Variants in SLC1A2 observed in about 807,000 individuals in gnomAD.
SLC1A2 encodes the protein excitatory amino acid transporter 2.
In SLC1A2, 15 loss-of-function variants were observed where a neutral mutation model predicts 48.8. The ratio of observed to expected loss-of-function variants is 0.31; its 90% CI spans 0.21 to 0.47. SLC1A2 has a LOEUF of 0.47. SLC1A2 is among the 20% of genes least tolerant of loss of function. The pLI is 0.99. For missense variants in SLC1A2, 502 were observed against 730.5 expected, an observed-to-expected ratio of 0.69 and a Z score of 3.61; for synonymous variants, 279 against 272.6, an observed-to-expected ratio of 1.02 and a Z score of -0.23.
At chr11:35,317,078 G>C (rs1393948332) in intron 2 of SLC1A2, 1 of 324,928 alleles carries the variant, frequency 3.1e-6, no homozygotes, top group African/African-American at 2.0e-5. Flanking sequence ...TAGATTGCAG[G>C]ACCTCATTTC....
chr11:35,398,882 T>C (rs909176933), intron 1 of SLC1A2, among the ~76,000 whole-genome samples: 3 of 152,188 alleles, frequency 2.0e-5, no homozygotes, highest in Non-Finnish European at 2.9e-5. Flanking sequence ...AGAGGGGCAA[T>C]GTGAGGAGGC....
chr11:35,406,062 C>A (rs147170979), intron 1 of SLC1A2, among the ~76,000 whole-genome samples: 1 of 152,182 alleles, frequency 6.6e-6, no homozygotes, highest in Non-Finnish European at 1.5e-5. Context: ...CAGAGAGATA[C>A]CAGGATAGTG....
intron 6 of SLC1A2, among the ~76,000 whole-genome samples, chr11:35,296,805 C>T (rs778148476): frequency 5.9e-5 from 9 of 152,180 alleles, no homozygotes; most frequent in Non-Finnish European, 1.3e-4. Flanking sequence ...TGGGCCATCA[C>T]TTCTACCCCC....
intron 4 of SLC1A2, among the ~76,000 whole-genome samples, chr11:35,309,071 C>A (rs1281937226): frequency 1.3e-5 from 2 of 152,174 alleles, no homozygotes; most frequent in Admixed American, 6.5e-5. Flanking sequence ...TGAGAAGCTC[C>A]TTTCCCCAGC....
At chr11:35,390,451 T>A (rs1196726454) in intron 1 of SLC1A2, among the ~76,000 whole-genome samples, 1 of 152,300 alleles carries the variant, frequency 6.6e-6, no homozygotes, top group Admixed American at 6.5e-5. Context: ...GGTTTTGGCC[T>A]GCAGTTTGAG....
At chr11:35,323,926 C>T (rs141762694) in intron 1 of SLC1A2, among the ~76,000 whole-genome samples, 2 of 152,302 alleles carry the variant, frequency 1.3e-5, no homozygotes, top group East Asian at 3.9e-4. Flanking sequence ...AGATTTCTAA[C>T]ATGGGCAGGT....
intron 1 of SLC1A2, chr11:35,404,415 AC>A (rs1219797819): frequency 6.6e-6 from 1 of 152,338 alleles, no homozygotes; most frequent in Non-Finnish European, 1.5e-5. Context: ...AGGACCCAGG[AC>A]CCGCTGGTGA....
At chr11:35,367,151 G>A (rs909967974) in intron 1 of SLC1A2, among the ~76,000 whole-genome samples, 9 of 152,196 alleles carry the variant, frequency 5.9e-5, no homozygotes, top group Non-Finnish European at 1.3e-4. Flanking sequence ...CCTTCTCTTT[G>A]TGGAGTTTCT....
intron 7 of SLC1A2, among the ~76,000 whole-genome samples, chr11:35,288,832 A>G (rs1371138354): frequency 6.7e-6 from 1 of 149,226 alleles, no homozygotes; most frequent in Non-Finnish European, 1.5e-5. Context: ...AATGTCATCA[A>G]ATGGTCTTTG....
At chr11:35,405,321 T>C (rs762250431) in intron 1 of SLC1A2, among the ~76,000 whole-genome samples, 1 of 152,178 alleles carries the variant, frequency 6.6e-6, no homozygotes, top group East Asian at 1.9e-4. Context: ...TGATTAAACA[T>C]ACTAAGTGTC....
intron 8 of SLC1A2, among the ~76,000 whole-genome samples, chr11:35,284,211 C>T (rs1235084449): frequency 1.2e-4 from 18 of 151,442 alleles, no homozygotes; most frequent in Non-Finnish European, 1.3e-4. Context: ...GTTCAAATCC[C>T]ATTTCTGCCT....
chr11:35,327,247 T>C (rs757663862), intron 1 of SLC1A2, among the ~76,000 whole-genome samples: 17 of 152,070 alleles, frequency 1.1e-4, no homozygotes, highest in Non-Finnish European at 4.4e-5. Context: ...AGTGCTAAAC[T>C]TGAGCTAAAG....
At chr11:35,377,164 A>G (rs114499338) in intron 1 of SLC1A2, among the ~76,000 whole-genome samples, 2,579 of 152,304 alleles carry the variant, frequency 0.017, 73 homozygotes, top group African/African-American at 0.06. Context: ...GGAGCCATTA[A>G]TATTATTCCC....
intron 6 of SLC1A2, among the ~76,000 whole-genome samples, chr11:35,299,973 T>C (rs987910377): frequency 6.6e-6 from 1 of 151,996 alleles, no homozygotes; most frequent in Non-Finnish European, 1.5e-5. Flanking sequence ...TACAGGACCA[T>C]CCTAGAGATC....
intron 1 of SLC1A2, among the ~76,000 whole-genome samples, chr11:35,321,961 C>T (rs1049903190): frequency 2.0e-5 from 3 of 151,982 alleles, no homozygotes; most frequent in African/African-American, 2.4e-5. Flanking sequence ...TTGACTGCCT[C>T]CTAAATTGAG....
At chr11:35,284,990 C>A (rs536630447) in intron 8 of SLC1A2, among the ~76,000 whole-genome samples, 2 of 152,316 alleles carry the variant, frequency 1.3e-5, no homozygotes, top group East Asian at 3.9e-4. Context: ...TAACATGAAC[C>A]AAGCAGACAC....
chr11:35,336,318 CTAAAAT>C (rs558168602), intron 1 of SLC1A2, among the ~76,000 whole-genome samples: 146 of 152,150 alleles, frequency 9.6e-4, no homozygotes, highest in African/African-American at 3.4e-3. Context: ...TACCCCACAA[CTAAAAT>C]TAAAATTAAA....
At chr11:35,300,958 G>A (rs1195984743) in intron 6 of SLC1A2, among the ~76,000 whole-genome samples, 4 of 152,276 alleles carry the variant, frequency 2.6e-5, no homozygotes, top group African/African-American at 7.2e-5. Flanking sequence ...GAGGGAGGCC[G>A]AGCCTGCGAT....
At chr11:35,263,131 T>C (rs1409720336) in intron 10 of SLC1A2, among the ~76,000 whole-genome samples, 1 of 152,168 alleles carries the variant, frequency 6.6e-6, no homozygotes, top group Non-Finnish European at 1.5e-5. Context: ...TATGGATAAT[T>C]CACATTTCCT....
Sources: gnomAD v4.1 joint callset for allele counts (sites outside exome capture counted in the v4.1 genomes callset) on GRCh38, gnomAD v4.1.1 for gene constraint, MANE v1.5 for transcripts, NCBI Gene and HGNC (gene_info 2026-07-23, HGNC 2026-07-21) for gene names.